Variants in PDE10A observed in about 807,000 individuals in gnomAD.
The protein encoded by PDE10A is cAMP and cAMP-inhibited cGMP 3',5'-cyclic phosphodiesterase 10A.
Under a neutral mutation model 97.7 loss-of-function variants are expected in PDE10A, and 39 were observed. The ratio of observed to expected loss-of-function variants is 0.40; its 90% CI spans 0.31 to 0.52. The LOEUF is 0.52. Among genes scored for constraint, PDE10A ranks in the 20% least tolerant of loss-of-function variants. The pLI is 0.56. For synonymous variants in PDE10A, 371 were observed against 376.8 expected (o/e 0.98, Z 0.18); for missense variants, 731 against 1,047.8 (o/e 0.70, Z 4.17).
chr6:165,682,766 A>G (rs1791011178), intron 1 of PDE10A, among the ~76,000 whole-genome samples: 1 of 152,192 alleles, frequency 6.6e-6, no homozygotes, highest in Non-Finnish European at 1.5e-5. Context: ...GAATGGACTT[A>G]GCCATCTATA....
intron 2 of PDE10A, among the ~76,000 whole-genome samples, chr6:165,503,120 T>G (rs1780990365): frequency 1.3e-5 from 2 of 152,144 alleles, no homozygotes; most frequent in African/African-American, 4.8e-5. Context: ...TGGGTTTTCA[T>G]TCAAGATCCC....
intron 1 of PDE10A, among the ~76,000 whole-genome samples, chr6:165,612,649 G>T (rs1027788101): frequency 6.6e-6 from 1 of 152,166 alleles, no homozygotes; most frequent in Non-Finnish European, 1.5e-5. Flanking sequence ...GATTACCAGC[G>T]TGAGCCACTG....
chr6:165,742,651 C>G (rs1446180940), intron 1 of PDE10A, among the ~76,000 whole-genome samples: 3 of 152,164 alleles, frequency 2.0e-5, no homozygotes, highest in Non-Finnish European at 4.4e-5. Flanking sequence ...GCAGATGCGA[C>G]TTAAATCTCT....
chr6:165,367,903 T>C (rs1783918784), intron 18 of PDE10A, among the ~76,000 whole-genome samples: 2 of 151,934 alleles, frequency 1.3e-5, no homozygotes, highest in Admixed American at 6.6e-5. Context: ...TCAAATGAAA[T>C]GATAGAAGTT....
intron 1 of PDE10A, among the ~76,000 whole-genome samples, chr6:165,848,453 A>G (rs1471587704): frequency 6.6e-6 from 1 of 152,204 alleles, no homozygotes; most frequent in Admixed American, 6.5e-5. Context: ...CAGCCTTTGT[A>G]CAAAGTGGCT....
chr6:165,897,366 T>C (rs1781981742), intron 1 of PDE10A, among the ~76,000 whole-genome samples: 2 of 151,746 alleles, frequency 1.3e-5, no homozygotes, highest in African/African-American at 2.4e-5. Context: ...GGAAAAAGAA[T>C]TGGGGAAGAA....
rs897271875 is a variant in PDE10A at position 165,341,642 on chromosome 6, C to T, written c.2895+1749G>A. On this transcript the variant is annotated intron_variant, in intron 19 of 21. Transcript: ENST00000539869. The stretch of plus-strand genomic sequence containing the variant: ...TATGTTAACATGGCGGCAACCACAG[C>T]TGCAGACTTCAGTCTAGGGAACGTA... 4.6e-5 allele frequency among the ~76,000 whole-genome samples: 7 copies of T among 152,298 alleles called. 1 individual carries two copies. The East Asian group carries it at 1.4e-3, about 29-fold the overall frequency.
chr6:165,349,538 GA>G (rs1165537621), intron 18 of PDE10A, among the ~76,000 whole-genome samples: 10 of 152,322 alleles, frequency 6.6e-5, no homozygotes, highest in African/African-American at 2.4e-4. Flanking sequence ...TGATGTGGTA[GA>G]AAAGAAAAAC....
chr6:165,352,392 G>C (rs899657869), intron 18 of PDE10A, among the ~76,000 whole-genome samples: 6 of 152,080 alleles, frequency 3.9e-5, no homozygotes, highest in Non-Finnish European at 4.4e-5. Context: ...ATTTTGGATA[G>C]AGAGAGGCCA....
chr6:165,660,484 G>A (rs1790188835), intron 1 of PDE10A: 1 of 152,338 alleles, frequency 6.6e-6, no homozygotes, highest in Non-Finnish European at 1.5e-5. Flanking sequence ...AGAGGCCGCT[G>A]ACCACGCGGC....
intron 10 of PDE10A, among the ~76,000 whole-genome samples, chr6:165,420,574 G>A (rs906495426): frequency 6.6e-6 from 1 of 152,142 alleles, no homozygotes; most frequent in Non-Finnish European, 1.5e-5. Context: ...ATTATATTCA[G>A]TGAAATCTGT....
At chr6:165,416,311 A>T (rs769643614) in intron 11 of PDE10A, 30 bp from the exon 12 acceptor site, 2 of 1,306,158 alleles carry the variant, frequency 1.5e-6, no homozygotes, top group Non-Finnish European at 2.2e-6. Context: ...GGACATGCTA[A>T]TTAAAATATG....
chr6:165,446,910 A>T (rs1790888480), intron 5 of PDE10A, among the ~76,000 whole-genome samples: 1 of 152,156 alleles, frequency 6.6e-6, no homozygotes, highest in African/African-American at 2.4e-5. Context: ...AAGGAGCCAG[A>T]ATAAAACTAA....
At chr6:165,626,210 T>C (rs1489436487) in intron 1 of PDE10A, among the ~76,000 whole-genome samples, 3 of 152,188 alleles carry the variant, frequency 2.0e-5, no homozygotes, top group Non-Finnish European at 4.4e-5. Context: ...GTCTCTTAGA[T>C]CAGGGAATCA....
intron 1 of PDE10A, among the ~76,000 whole-genome samples, chr6:165,755,794 C>A (rs535604204): frequency 6.6e-6 from 1 of 152,350 alleles, no homozygotes; most frequent in Non-Finnish European, 1.5e-5. Flanking sequence ...CCAGTCCCCA[C>A]TCCCGGAGTC....
chr6:165,586,519 G>A (rs778340738), intron 1 of PDE10A, among the ~76,000 whole-genome samples: 1 of 152,032 alleles, frequency 6.6e-6, no homozygotes, highest in Non-Finnish European at 1.5e-5. Context: ...TCCCAGAAGA[G>A]AACTGATACT....
intron 1 of PDE10A, among the ~76,000 whole-genome samples, chr6:165,737,106 A>C (rs941112604): frequency 1.1e-4 from 16 of 152,232 alleles, no homozygotes; most frequent in South Asian, 4.1e-4. Context: ...GAAGAAATAG[A>C]AAATCTGAAA....
intron 1 of PDE10A, among the ~76,000 whole-genome samples, chr6:165,694,173 C>G (rs910372624): frequency 6.6e-6 from 1 of 152,208 alleles, no homozygotes; most frequent in African/African-American, 2.4e-5. Context: ...ACACGTATAT[C>G]TCATCATAAG....
chr6:165,853,881 C>T (rs554076054), intron 1 of PDE10A, among the ~76,000 whole-genome samples: 81 of 152,314 alleles, frequency 5.3e-4, no homozygotes, highest in African/African-American at 1.8e-3. Flanking sequence ...CCTACCTGTC[C>T]TCCGAAACTG....
Sources: gnomAD v4.1 joint callset for allele counts (sites outside exome capture counted in the v4.1 genomes callset) on GRCh38, gnomAD v4.1.1 for gene constraint, MANE v1.5 for transcripts, NCBI Gene and HGNC (gene_info 2026-07-23, HGNC 2026-07-21) for gene names.